The following PANK4 variants were observed in gnomAD, a reference collection of about 807,000 sequenced individuals.
PANK4 encodes 4'-phosphopantetheine phosphatase.
In PANK4, 40 loss-of-function variants were observed where a neutral mutation model predicts 87.9. The ratio of observed to expected loss-of-function variants is 0.46; its 90% CI spans 0.35 to 0.59. The LOEUF is 0.59. Among genes scored for constraint, PANK4 ranks in the 20% least tolerant of loss-of-function variants. PANK4 has a pLI of 0.00. For synonymous variants in PANK4, 524 were observed against 467.4 expected, an observed-to-expected ratio of 1.12 and a Z score of -1.56; for missense variants, 926 against 1,072.3, an observed-to-expected ratio of 0.86 and a Z score of 1.90.
chr1:2,519,741 C>G lies in PANK4; in HGVS notation c.853+60G>C. 6.8e-7 allele frequency: 1 copy of G among 1,468,186 alleles called. No individual in the cohort carries two copies. The highest frequency in any genetic ancestry group is 9.1e-7 in the Non-Finnish European group (1 of 1,099,988). 90.9% of individuals were successfully genotyped at this position (1,468,186 alleles called of 1,614,324 possible). ...AGCAATGGTGGGGGAAGCTCCTGTCCGTGAGACCCCAAGTGTCCCCACCAT... is the reference window on the plus strand; with the variant it reads ...AGCAATGGTGGGGGAAGCTCCTGTCGGTGAGACCCCAAGTGTCCCCACCAT... On this transcript the variant is annotated intron_variant, in intron 6 of 18. Transcript: ENST00000378466. The surrounding 1 kb of genome is among the most constrained non-coding windows in gnomAD (Gnocchi z 8.3).
chr1:2,509,172 T>C lies in PANK4; in HGVS notation c.2109-112A>G. 1.1e-5 allele frequency: 9 copies of C among 827,078 alleles called. No individual in the cohort carries two copies. The South Asian group carries it at 1.5e-4, about 14-fold the overall frequency. The allele number at this position is 827,078 out of a possible 1,614,324, so 51.2% of individuals were successfully genotyped here. A position where few individuals can be genotyped will look rare whatever the true frequency, so the allele number is the denominator to read the frequency against. The stretch of plus-strand genomic sequence containing the variant: ...AAACCCCTACCGCTCAATTCCCTGA[T>C]GTGGAGGCCTCCAAACCCAGCCTCC... On this transcript the variant is annotated intron_variant, in intron 18 of 18. Coordinates refer to ENST00000378466, the MANE Select transcript of PANK4 (RefSeq NM_018216.4). This position sits in a 1 kb window ranked among gnomAD's most constrained non-coding sequence, Gnocchi z 4.9.
chr1:2,519,084 G>A lies in PANK4; in HGVS notation c.1035+59C>T. 1 of 1,504,588 alleles carries A rather than the reference G, an allele frequency of 6.6e-7. No homozygotes were observed. The highest frequency in any genetic ancestry group is 1.8e-5 in the Admixed American group (1 of 56,594). 93.2% of individuals were successfully genotyped at this position (1,504,588 alleles called of 1,614,324 possible). A position where few individuals can be genotyped will look rare whatever the true frequency, so the allele number is the denominator to read the frequency against. Reference sequence around the variant, plus strand: ...GCTGCGGTGTCTAACCAGCATGACTGATTGGGAAGATCCTGGGGGGTCTGC... The same window carrying A: ...GCTGCGGTGTCTAACCAGCATGACTAATTGGGAAGATCCTGGGGGGTCTGC... On this transcript the variant is annotated intron_variant, in intron 7 of 18. Coordinates refer to ENST00000378466, the MANE Select transcript of PANK4 (RefSeq NM_018216.4). The surrounding 1 kb of genome is among the most constrained non-coding windows in gnomAD (Gnocchi z 8.3).
At chr1:2,518,077 A>C (rs1643814741) in intron 9 of PANK4, 87 bp downstream of exon 9, 1 of 765,416 alleles carries the variant, frequency 1.3e-6, no homozygotes, top group East Asian at 2.8e-5. Context: ...CGGGACAGCC[A>C]CAAGAGGCTT....
chr1:2,526,579 C>T lies in PANK4; in HGVS notation c.9G>A (p.Glu3=). The T allele has an allele frequency of 6.2e-7, 1 of 1,601,178 alleles. No homozygotes were observed. The highest frequency in any genetic ancestry group is 1.1e-5 in the South Asian group (1 of 89,724). The stretch of plus-strand genomic sequence containing the variant: ...TGCTCCCGCTGCCGCTCGCTCCACA[C>T]TCCGCCATTTTGAAAGTGCCCGGCC... MA[E]CGASGSGSSG... Residue 3 remains glutamate, a synonymous_variant, in exon 1 of 19, where the codon GAG becomes GAA. Transcript: ENST00000378466.
Position 2,508,629 on chromosome 1 carries a change from TAA to T in PANK4, c.*216_*217del. 1 of 337,836 alleles carries T rather than the reference TAA, an allele frequency of 3.0e-6. No individual in the cohort carries two copies. 20.9% of individuals were successfully genotyped at this position (337,836 alleles called of 1,614,324 possible). ...CTCTCTATTTATATATATATATATA[TAA>T]AAGGTTCTTTAGCAGTTAAATAGAT... is the stretch of plus-strand genomic sequence containing the variant. On this transcript the variant is annotated 3_prime_UTR_variant, in exon 19 of 19. Coordinates refer to ENST00000378466, the MANE Select transcript of PANK4 (RefSeq NM_018216.4). This position sits in a 1 kb window ranked among gnomAD's most constrained non-coding sequence, Gnocchi z 5.1.
At chr1:2,517,931 T>C (rs1290523516) in intron 9 of PANK4, among the ~76,000 whole-genome samples, 1 of 152,238 alleles carries the variant, frequency 6.6e-6, no homozygotes, top group Non-Finnish European at 1.5e-5. Context: ...GACTCCGTAA[T>C]TCCTGCTGAA....
chr1:2,526,399 G>T, intron 1 of PANK4, 65 bp downstream of exon 1: 2 of 686,272 alleles, frequency 2.9e-6, no homozygotes, highest in Non-Finnish European at 1.8e-6. Context: ...GCCCCCGCTC[G>T]CCGGCCCACC....
rs1643640574 is a variant in PANK4 at position 2,510,374 on chromosome 1, C to G, written c.1939-217G>C. The G allele has an allele frequency of 1.7e-6, 1 of 593,352 alleles. No individual in the cohort carries two copies. The highest frequency in any genetic ancestry group is 2.1e-5 in the African/African-American group (1 of 47,948). 36.8% of individuals were successfully genotyped at this position (593,352 alleles called of 1,614,324 possible). On this transcript the variant is annotated intron_variant, in intron 16 of 18. Coordinates refer to ENST00000378466, the MANE Select transcript of PANK4 (RefSeq NM_018216.4). This position sits in a 1 kb window ranked among gnomAD's most constrained non-coding sequence, Gnocchi z 4.9. ...CGAGGGGCAGAGCTGAGTTTAGAGCCTGCCCCTGGGACCTGCCTGTCTGTG... is the reference window on the plus strand; with the variant it reads ...CGAGGGGCAGAGCTGAGTTTAGAGCGTGCCCCTGGGACCTGCCTGTCTGTG...
Position 2,520,408 on chromosome 1 carries a change from T to C in PANK4, c.613A>G (p.Thr205Ala). The C allele has an allele frequency of 6.2e-7, 1 of 1,612,618 alleles. No homozygotes were observed. Among genetic ancestry groups the C allele is most frequent in the Non-Finnish European group, 8.5e-7 (1 of 1,179,820 alleles). Residue 205 changes from threonine to alanine, a missense_variant, in exon 5 of 19, where the codon ACG (threonine) becomes GCG (alanine). Physicochemically the swap from Thr to Ala is moderately conservative, Grantham distance 58. Transcript: ENST00000378466. The surrounding 1 kb of genome is among the most constrained non-coding windows in gnomAD (Gnocchi z 6.2). Reference protein sequence around the residue: ...GSGVSIVKVETEDRFEWVGGS... With the variant: ...GSGVSIVKVEAEDRFEWVGGS... ...CCGACCCACTCGAACCTGTCCTCCG[T>C]CTCCACCTGCAACAGAGCCAGGGCA... is the stretch of plus-strand genomic sequence containing the variant.
chr1:2,513,554 G>A (rs889333248), intron 12 of PANK4, among the ~76,000 whole-genome samples: 1 of 152,202 alleles, frequency 6.6e-6, no homozygotes, highest in South Asian at 2.1e-4. Context: ...GCACGTTGCC[G>A]GGATAGGAGG....
intron 1 of PANK4, among the ~76,000 whole-genome samples, chr1:2,523,951 C>T (rs1643899096): frequency 6.6e-6 from 1 of 152,242 alleles, no homozygotes. Flanking sequence ...GTGCTCTTCA[C>T]ATCTGAGCCA....
rs750398349 is a variant in PANK4, at chr1:2,519,807, C to T, written c.847G>A (p.Asp283Asn). The change falls in exon 6 of 19, where the codon GAC becomes AAC. Residue 283 changes from aspartate (D) to asparagine (N), a missense_variant. Coordinates refer to ENST00000378466, the MANE Select transcript of PANK4 (RefSeq NM_018216.4). This position sits in a 1 kb window ranked among gnomAD's most constrained non-coding sequence, Gnocchi z 8.3. ...CAGAGGCCGGGGTGAGCACCTTGGT[C>T]GGCGGTGGCCGACTTCCCGAAGCTG... ...ASSFGKSATA[D>N]QEFSKEDMAK... is the part of the protein sequence containing the mutation. The T allele has an allele frequency of 8.9e-6, 14 of 1,577,068 alleles. No individual in the cohort carries two copies. Among genetic ancestry groups the T allele is most frequent in the South Asian group, 2.3e-5 (2 of 86,720 alleles).
intron 10 of PANK4, 67 bp from the exon 11 acceptor site, chr1:2,514,533 A>C: frequency 7.5e-6 from 5 of 665,840 alleles, no homozygotes; most frequent in Non-Finnish European, 8.8e-6. Context: ...CCCACGTGAC[A>C]GCAGGGGGCT....
rs1315053898 is a variant in PANK4 at position 2,509,889 on chromosome 1, C to A, written c.2081G>T (p.Gly694Val). The A allele has an allele frequency of 6.2e-7, 1 of 1,612,108 alleles. No homozygotes were observed. Among genetic ancestry groups the A allele is most frequent in the Non-Finnish European group, 8.5e-7 (1 of 1,179,876 alleles). The change falls in exon 18 of 19, where the codon GGC becomes GTC. Residue 694 changes from glycine (G) to valine (V), a missense_variant. Coordinates refer to ENST00000378466, the MANE Select transcript of PANK4 (RefSeq NM_018216.4). The surrounding 1 kb of genome is among the most constrained non-coding windows in gnomAD (Gnocchi z 4.9). ...GAGGTCGAGGCACGGGGAGCTGGAG[C>A]CCGTCTGCACCAGCAGCAGCCTCTC... ...QEERLLLVQT[G>V]SSSPCLDLSR...
Position 2,521,306 on chromosome 1 carries a change from G to C in PANK4, c.217C>G (p.Arg73Gly), listed in dbSNP as rs1467616064. Reference protein sequence around the residue: ...SFDHSGKDTEREHEPPYEISV... With the variant: ...SFDHSGKDTEGEHEPPYEISV... ...ATCTCATAGGGCGGCTCATGTTCAC[G>C]TTCTGTGTCCTGGAAAACAGAGTAG... Residue 73 changes from arginine to glycine, a missense_variant, in exon 3 of 19, where the codon CGT (arginine) becomes GGT (glycine). Coordinates refer to ENST00000378466, the MANE Select transcript of PANK4 (RefSeq NM_018216.4). 1.2e-6 allele frequency: 2 copies of C among 1,613,268 alleles called. No individual in the cohort carries two copies. The highest frequency in any genetic ancestry group is 2.2e-5 in the East Asian group (1 of 44,902).
At chr1:2,516,861 G>A (rs1272303100) in intron 9 of PANK4, among the ~76,000 whole-genome samples, 2 of 152,180 alleles carry the variant, frequency 1.3e-5, no homozygotes, top group African/African-American at 2.4e-5. Flanking sequence ...TCAAATCTTC[G>A]CTTTGACTTT....
chr1:2,515,270 G>C lies in PANK4; in HGVS notation c.1374+292C>G. Reference sequence around the variant, plus strand: ...ACCTCAGTCACACCTCAAAAGAGCAGAGACGTCTCCTAAATTGCTTTTTGA... The same window carrying C: ...ACCTCAGTCACACCTCAAAAGAGCACAGACGTCTCCTAAATTGCTTTTTGA... On this transcript the variant is annotated intron_variant, in intron 10 of 18. Coordinates refer to ENST00000378466, the MANE Select transcript of PANK4 (RefSeq NM_018216.4). The surrounding 1 kb of genome is among the most constrained non-coding windows in gnomAD (Gnocchi z 5.0). The C allele has an allele frequency of 1.6e-6, 1 of 611,242 alleles. No individual in the cohort carries two copies. Among genetic ancestry groups the C allele is most frequent in the East Asian group, 3.4e-5 (1 of 29,012 alleles). 37.9% of individuals were successfully genotyped at this position (611,242 alleles called of 1,614,324 possible). A position where few individuals can be genotyped will look rare whatever the true frequency, so the allele number is the denominator to read the frequency against.
intron 15 of PANK4, 56 bp downstream of exon 15, chr1:2,511,281 AC>A (rs781494767): frequency 8.1e-5 from 104 of 1,281,890 alleles, no homozygotes; most frequent in East Asian, 6.0e-4. Context: ...TCCAGTGACC[AC>A]CCCCCCGGGC....
chr1:2,509,008 C>A lies in PANK4; in HGVS notation c.2161G>T (p.Val721Leu), dbSNP rs749807411. 6.2e-7 allele frequency: 1 copy of A among 1,606,128 alleles called. No homozygotes were observed. The highest frequency in any genetic ancestry group is 2.2e-5 in the East Asian group (1 of 44,838). Reference sequence around the variant, plus strand: ...GCACGGCCCATGCCCTCGATGACCACCAGATCCGCGCCACGCTCCCGCACC... The same window carrying A: ...GCACGGCCCATGCCCTCGATGACCAACAGATCCGCGCCACGCTCCCGCACC... Reference protein sequence around the residue: ...ALVRERGADLVVIEGMGRAVH... With the variant: ...ALVRERGADLLVIEGMGRAVH... Residue 721 changes from valine (V) to leucine (L), a missense_variant, in exon 19 of 19, where the codon GTG becomes TTG. Physicochemically the swap from Val to Leu is conservative, Grantham distance 32 (BLOSUM62 1). Coordinates refer to ENST00000378466, the MANE Select transcript of PANK4 (RefSeq NM_018216.4). This position sits in a 1 kb window ranked among gnomAD's most constrained non-coding sequence, Gnocchi z 4.9.
Sources: allele counts gnomAD v4.1 joint callset (sites outside exome capture counted in the v4.1 genomes callset), GRCh38; gene constraint gnomAD v4.1.1; non-coding constraint Gnocchi (gnomAD v3.1); transcripts MANE v1.5; gene names NCBI Gene and HGNC (gene_info 2026-07-23, HGNC 2026-07-21).